Variants in KDM6B observed in about 807,000 individuals in gnomAD.
KDM6B encodes the protein lysine-specific demethylase 6B.
A neutral mutation model predicts 150.4 loss-of-function variants in KDM6B; 22 were observed. That is an observed-to-expected ratio of 0.15 (90% CI 0.10 to 0.21). The LOEUF is 0.21. KDM6B is among the 10% of genes least tolerant of loss of function. The pLI is 1.00. For synonymous variants in KDM6B, 1,148 were observed against 921.1 expected, an observed-to-expected ratio of 1.25 and a Z score of -4.46; for missense variants, 1,984 against 2,234.3, an observed-to-expected ratio of 0.89 and a Z score of 2.26.
chr17:7,848,283 C>G lies in KDM6B; in HGVS notation c.1995C>G (p.Ala665=). 1 of 1,612,418 alleles carries G rather than the reference C, an allele frequency of 6.2e-7. No individual in the cohort carries two copies. The highest frequency in any genetic ancestry group is 8.5e-7 in the Non-Finnish European group (1 of 1,179,784). Residue 665 remains alanine, a synonymous_variant, in exon 12 of 24, where the codon GCC becomes GCG. Coordinates refer to ENST00000448097, the MANE Select transcript of KDM6B (RefSeq NM_001348716.2). ...CGCCCGGGGTTGGGGAGCTGCCTGC[C>G]CGAGGCCCTCGACTCTTTGATTTTC... is the stretch of plus-strand genomic sequence containing the variant. ...PVPPGVGELP[A]RGPRLFDFPP... is the part of the protein sequence containing the mutation.
chr17:7,854,707 C>A lies in KDM6B; in HGVS notation c.*1186C>A. On this transcript the variant is annotated 3_prime_UTR_variant, in exon 24 of 24. Transcript: ENST00000448097. ...CTCGCACTGCACTGTCTCTCTGCCCCAGGGGCAGAGGGGTCTTCCCAACCC... is the reference window on the plus strand; with the variant it reads ...CTCGCACTGCACTGTCTCTCTGCCCAAGGGGCAGAGGGGTCTTCCCAACCC... 1 of 222,920 alleles carries A rather than the reference C, an allele frequency of 4.5e-6. No homozygotes were observed. Among genetic ancestry groups the A allele is most frequent in the Non-Finnish European group, 9.2e-6 (1 of 109,050 alleles). 13.8% of individuals were successfully genotyped at this position (222,920 alleles called of 1,614,324 possible). A position where few individuals can be genotyped will look rare whatever the true frequency, so the allele number is the denominator to read the frequency against.
Position 7,847,466 on chromosome 17 carries a change from G to T in KDM6B, c.1257+14G>T, listed in dbSNP as rs751543776. 29 of 1,613,496 alleles carry T rather than the reference G, an allele frequency of 1.8e-5. No individual in the cohort carries two copies. The South Asian group carries it at 2.9e-4, about 16-fold the overall frequency. On this transcript the variant is annotated intron_variant, in intron 11 of 23. Coordinates refer to ENST00000448097, the MANE Select transcript of KDM6B (RefSeq NM_001348716.2). ...AACCCAGGCATTGTGAGTGACAACT[G>T]AGGGTGGAGGGGGGGATGGGTGGAG...
chr17:7,848,686 C>T lies in KDM6B; in HGVS notation c.2398C>T (p.Pro800Ser). 6.2e-7 allele frequency: 1 copy of T among 1,612,390 alleles called. No individual in the cohort carries two copies. Among genetic ancestry groups the T allele is most frequent in the Non-Finnish European group, 8.5e-7 (1 of 1,179,914 alleles). The change falls in exon 12 of 24, where the codon CCG becomes TCG. Residue 800 changes from proline (P) to serine (S), a missense_variant. By Grantham distance (74) the Pro-to-Ser change is moderately conservative. Coordinates refer to ENST00000448097, the MANE Select transcript of KDM6B (RefSeq NM_001348716.2). ...PQPPPPPPPSPASLLKSLASV... is the reference protein window; with the variant it reads ...PQPPPPPPPSSASLLKSLASV... ...GCCACCACCACCCCCACCCCCCAGC[C>T]CGGCCAGCCTGCTCAAATCCTTGGC...
In KDM6B at chr17:7,845,634, C is replaced by T. The variant is rs751498485; in HGVS notation, c.80C>T (p.Ala27Val). The T allele has an allele frequency of 5.6e-6, 9 of 1,614,058 alleles. No individual in the cohort carries two copies. The highest frequency in any genetic ancestry group is 7.6e-6 in the Non-Finnish European group (9 of 1,180,046). Residue 27 changes from alanine (A) to valine (V), a missense_variant, in exon 5 of 24, where the codon GCC becomes GTC. By Grantham distance (64) the Ala-to-Val change is moderately conservative (BLOSUM62 0). This residue lies in a region of KDM6B where 337 missense variants were observed against 323.9 expected (regional missense o/e 1.04). Coordinates refer to ENST00000448097, the MANE Select transcript of KDM6B (RefSeq NM_001348716.2). The part of the protein sequence containing the change: ...FALGGLSCAG[A>V]WSSCPPHPPP... ...CTTGGGGGCCTGAGCTGTGCTGGGG[C>T]CTGGAGCTCCTGCCCGCCTCATCCC...
rs778055366 is a variant in KDM6B, at chr17:7,849,283, C to T, written c.2995C>T (p.Arg999Cys). 21 of 1,555,492 alleles carry T rather than the reference C, an allele frequency of 1.4e-5. No homozygotes were observed. The highest frequency in any genetic ancestry group is 6.8e-5 in the African/African-American group (5 of 73,220). Residue 999 changes from arginine to cysteine, a missense_variant, in exon 12 of 24, where the codon CGT becomes TGT. By Grantham distance (180) the Arg-to-Cys change is radical. This residue lies in a region of KDM6B where 1,379 missense variants were observed against 1,275.6 expected (regional missense o/e 1.08). Transcript: ENST00000448097. ...ACKDSVGRRPREGRAKAKAKV... is the reference protein window; with the variant it reads ...ACKDSVGRRPCEGRAKAKAKV... ...TAAGGACAGTGTGGGTCGTCGGCCC[C>T]GTGAGGGCAGGGCAAAGGCCAAGGC... is the stretch of plus-strand genomic sequence containing the variant.
chr17:7,853,247 A>G lies in KDM6B; in HGVS notation c.4775A>G (p.Asn1592Ser), dbSNP rs2078739171. Reference sequence around the variant, plus strand: ...AACATCCTGTTCGTGACAAGTGAGAATGGCAGCCGCAACACGTACCTGGTA... The same window carrying G: ...AACATCCTGTTCGTGACAAGTGAGAGTGGCAGCCGCAACACGTACCTGGTA... ...VFNILFVTSE[N>S]GSRNTYLVHC... Residue 1592 changes from asparagine (N) to serine (S), a missense_variant, in exon 23 of 24, where the codon AAT becomes AGT. Asn to Ser is a conservative substitution (Grantham distance 46, BLOSUM62 1). Coordinates refer to ENST00000448097, the MANE Select transcript of KDM6B (RefSeq NM_001348716.2). 1 of 1,611,058 alleles carries G rather than the reference A, an allele frequency of 6.2e-7. No individual in the cohort carries two copies. Among genetic ancestry groups the G allele is most frequent in the Non-Finnish European group, 8.5e-7 (1 of 1,179,200 alleles).
In KDM6B at chr17:7,851,765, G is replaced by A. The variant is rs2078699403; in HGVS notation, c.4134G>A (p.Leu1378=). ...HTILGMNTVQ[L]YMKVPGSRTP... ...TCCTGGGCATGAACACGGTGCAGCT[G>A]TACATGAAGGTGCCCGGCAGCCGAA... Residue 1378 remains leucine (L), a synonymous_variant, in exon 18 of 24, where the codon CTG becomes CTA. Transcript: ENST00000448097. 11 of 1,554,836 alleles carry A rather than the reference G, an allele frequency of 7.1e-6. No individual in the cohort carries two copies. Among genetic ancestry groups the A allele is most frequent in the South Asian group, 1.2e-5 (1 of 85,232 alleles).
intron 5 of KDM6B, 67 bp from the exon 6 acceptor site, chr17:7,845,805 C>T (rs1027130516): frequency 1.9e-5 from 30 of 1,583,044 alleles, no homozygotes; most frequent in Non-Finnish European, 2.4e-5. Context: ...TGCATCAGCC[C>T]CCTCCTGCCT....
rs750776514 is a variant in KDM6B at position 7,847,219 on chromosome 17, C to T, written c.1024C>T (p.Pro342Ser). 1.9e-6 allele frequency: 3 copies of T among 1,600,118 alleles called. No homozygotes were observed. The highest frequency in any genetic ancestry group is 2.2e-5 in the East Asian group (1 of 44,832). The change falls in exon 11 of 24, where the codon CCA becomes TCA. Residue 342 changes from proline to serine, a missense_variant. By Grantham distance (74) the Pro-to-Ser change is moderately conservative. Around this residue, in one of 13 missense-constraint regions of KDM6B, gnomAD observed 1,379 missense variants for 1,275.6 expected, o/e 1.08. Coordinates refer to ENST00000448097, the MANE Select transcript of KDM6B (RefSeq NM_001348716.2). Reference sequence around the variant, plus strand: ...TCCCCCAGGCCCAGGCCCCCGCCCCCCAGGAGCAGAGAGCCATGGCTGCCT... The same window carrying T: ...TCCCCCAGGCCCAGGCCCCCGCCCCTCAGGAGCAGAGAGCCATGGCTGCCT... ...AAPPGPGPRP[P>S]GAESHGCLPA...
In KDM6B at chr17:7,849,873, T is replaced by A; in HGVS notation, c.3493T>A (p.Ser1165Thr). The A allele has an allele frequency of 6.2e-7, 1 of 1,612,334 alleles. No homozygotes were observed. Residue 1165 changes from serine to threonine, a missense_variant, in exon 13 of 24, where the codon TCT becomes ACT. Physicochemically the swap from Ser to Thr is moderately conservative, Grantham distance 58. Transcript: ENST00000448097. Reference protein sequence around the residue: ...FRESYLSPAQSVKPKINTEEK... With the variant: ...FRESYLSPAQTVKPKINTEEK... ...AGAGTCCTACCTTTCCCCTGCCCAG[T>A]CTGTGAAACCGAAGATCAACACTGA...
intron 1 of KDM6B, among the ~76,000 whole-genome samples, chr17:7,836,837 G>T (rs1017623915): frequency 6.6e-6 from 1 of 152,168 alleles, no homozygotes; most frequent in Non-Finnish European, 1.5e-5. Context: ...AGGGGTCAAA[G>T]GTCTGTGTTA....
Position 7,846,724 on chromosome 17 carries a change from G to T in KDM6B, c.695G>T (p.Gly232Val). ...AGCCCTGGAGGCAAGCGAAGGAGAGGCTGCAACTCTGAACAGGTGTGGGTA... is the reference window on the plus strand; with the variant it reads ...AGCCCTGGAGGCAAGCGAAGGAGAGTCTGCAACTCTGAACAGGTGTGGGTA... Reference protein sequence around the residue: ...GLSPGGKRRRGCNSEQTGLPP... With the variant: ...GLSPGGKRRRVCNSEQTGLPP... Residue 232 changes from glycine (G) to valine (V), a missense_variant, in exon 9 of 24, where the codon GGC becomes GTC. Gly to Val is a moderately radical substitution (Grantham distance 109). Transcript: ENST00000448097. 6.2e-7 allele frequency: 1 copy of T among 1,614,092 alleles called. No homozygotes were observed. Among genetic ancestry groups the T allele is most frequent in the Non-Finnish European group, 8.5e-7 (1 of 1,179,982 alleles).
intron 11 of KDM6B, 35 bp from the exon 12 acceptor site, chr17:7,847,511 A>C: frequency 2.5e-6 from 4 of 1,613,282 alleles, no homozygotes; most frequent in African/African-American, 2.7e-5. Flanking sequence ...AGGCAGCCCG[A>C]GCAATGCTCC....
chr17:7,853,563 G>A lies in KDM6B; in HGVS notation c.*42G>A. 1.5e-6 allele frequency: 2 copies of A among 1,378,870 alleles called. No homozygotes were observed. Among genetic ancestry groups the A allele is most frequent in the Admixed American group, 3.2e-5 (1 of 31,692 alleles). The allele number at this position is 1,378,870 out of a possible 1,614,324, so 85.4% of individuals were successfully genotyped here. A position where few individuals can be genotyped will look rare whatever the true frequency, so the allele number is the denominator to read the frequency against. On this transcript the variant is annotated 3_prime_UTR_variant, in exon 24 of 24. Transcript: ENST00000448097. ...CGCCTGCCTGCCCGCGCAAGGCGCC[G>A]CGGGGCCACCAGCACATGCCTGGGC...
At chr17:7,850,547 G>A (rs544563570) in intron 14 of KDM6B, among the ~76,000 whole-genome samples, 2 of 152,314 alleles carry the variant, frequency 1.3e-5, no homozygotes, top group Admixed American at 6.5e-5. Flanking sequence ...GGTCAATCTT[G>A]TCTCCTTTAT....
intron 10 of KDM6B, 28 bp from the exon 11 acceptor site, chr17:7,847,077 A>C: frequency 6.2e-7 from 1 of 1,610,606 alleles, no homozygotes; most frequent in Non-Finnish European, 8.5e-7. Context: ...TCTATTCCTC[A>C]TCCTGCATCC....
chr17:7,851,390 C>T lies in KDM6B; in HGVS notation c.3940C>T (p.Pro1314Ser), dbSNP rs140925165. ...GCCAGACAGCACCACTGGAACCCCTCCTAGGTACTGTGCAGGTGTGCCCCT... is the reference window on the plus strand; with the variant it reads ...GCCAGACAGCACCACTGGAACCCCTTCTAGGTACTGTGCAGGTGTGCCCCT... Reference protein sequence around the residue: ...EEPDSTTGTPPSSAPDPKNHH... With the variant: ...EEPDSTTGTPSSSAPDPKNHH... The change falls in exon 16 of 24, where the codon CCT (proline) becomes TCT (serine). Residue 1314 changes from proline (P) to serine (S), a missense_variant. Pro to Ser is a moderately conservative substitution (Grantham distance 74). Around this residue, in one of 13 missense-constraint regions of KDM6B, gnomAD observed 41 missense variants for 38.4 expected, o/e 1.07. Coordinates refer to ENST00000448097, the MANE Select transcript of KDM6B (RefSeq NM_001348716.2). 468 of 1,614,174 alleles carry T rather than the reference C, an allele frequency of 2.9e-4. No homozygotes were observed. The highest frequency in any genetic ancestry group is 3.6e-4 in the Non-Finnish European group (426 of 1,180,026).
Position 7,846,626 on chromosome 17 carries a change from A to G in KDM6B, c.597A>G (p.Arg199=). The G allele has an allele frequency of 6.2e-7, 1 of 1,614,090 alleles. No homozygotes were observed. The highest frequency in any genetic ancestry group is 8.5e-7 in the Non-Finnish European group (1 of 1,180,004). Residue 199 remains arginine (R), a synonymous_variant, in exon 9 of 24, where the codon CGA becomes CGG. Coordinates refer to ENST00000448097, the MANE Select transcript of KDM6B (RefSeq NM_001348716.2). ...GAKRGGPPVK[R]AAEPPVVQPV... is the part of the protein sequence containing the mutation. ...AGCGGGGAGGTCCCCCGGTGAAGCG[A>G]GCTGCTGAACCCCCAGTGGTGCAGC...
At chr17:7,846,371 G>GGGGCGGGGCCGGGGGCCCCCC in intron 7 of KDM6B, 29 bp from the exon 8 acceptor site, 1 of 1,488,918 alleles carries the variant, frequency 6.7e-7, no homozygotes, top group Non-Finnish European at 9.2e-7. Flanking sequence ...CCTGACATCT[G>GGGGCGGGGCCGGGGGCCCCCC]CCCCTGCCCC....
Sources: gnomAD v4.1 joint callset for allele counts (sites outside exome capture counted in the v4.1 genomes callset) on GRCh38, gnomAD v4.1.1 for gene constraint, gnomAD v4.1.1 regional missense constraint, MANE v1.5 for transcripts, NCBI Gene and HGNC (gene_info 2026-07-23, HGNC 2026-07-21) for gene names.